The following MCPH1 variants were observed in gnomAD, a reference collection of about 807,000 sequenced individuals.
The protein encoded by MCPH1 is microcephalin.
Under a neutral mutation model 84.5 loss-of-function variants are expected in MCPH1, and 104 were observed. The observed-to-expected ratio is 1.23, with a 90% CI of 1.05 to 1.45. The LOEUF is 1.45. Ranked by LOEUF, MCPH1 falls within the 40% of genes most tolerant of loss-of-function variation. MCPH1 has a pLI of 0.00. For synonymous variants in MCPH1, 514 were observed against 366.8 expected, an observed-to-expected ratio of 1.40 and a Z score of -4.58; for missense variants, 1,498 against 1,005.7, an observed-to-expected ratio of 1.49 and a Z score of -6.62.
chr8:6,582,718 C>T (rs1029645055), intron 12 of MCPH1, among the ~76,000 whole-genome samples: 3 of 152,198 alleles, frequency 2.0e-5, no homozygotes, highest in African/African-American at 7.2e-5. Context: ...CTTCGTCATT[C>T]AAGCCTTTTC....
intron 9 of MCPH1, among the ~76,000 whole-genome samples, chr8:6,456,296 T>A (rs1805670667): frequency 6.6e-6 from 1 of 152,166 alleles, no homozygotes; most frequent in Non-Finnish European, 1.5e-5. Context: ...ACAATGGCGT[T>A]GCGCACTGTG....
At chr8:6,452,117 A>T (rs1004334903) in intron 8 of MCPH1, among the ~76,000 whole-genome samples, 1 of 152,160 alleles carries the variant, frequency 6.6e-6, no homozygotes, top group Non-Finnish European at 1.5e-5. Flanking sequence ...TCCCTTTCCT[A>T]GTATTTAAGT....
chr8:6,465,644 G>T (rs1806795416), intron 9 of MCPH1, among the ~76,000 whole-genome samples: 1 of 152,096 alleles, frequency 6.6e-6, no homozygotes, highest in Non-Finnish European at 1.5e-5. Flanking sequence ...GGAGGAGGAA[G>T]CCAAGAGAGT....
At position 6,568,995 on chromosome 8, in the gene MCPH1, G is replaced by A. The variant is rs2959775; in HGVS notation, c.2215-52459G>A. Among the ~76,000 whole-genome samples the A allele has an allele frequency of 7.4e-3, 1,129 of 152,312 alleles. 18 individuals are homozygous for A. Among genetic ancestry groups the A allele is most frequent in the African/African-American group, 0.025 (1,032 of 41,566 alleles). ...CATTTGCAGACAGAGGGGCACACTCGGGACTCTTGGGCGCCTGGCACACTA... is the reference window on the plus strand; with the variant it reads ...CATTTGCAGACAGAGGGGCACACTCAGGACTCTTGGGCGCCTGGCACACTA... On this transcript the variant is annotated intron_variant, in intron 12 of 13. Coordinates refer to ENST00000344683, the MANE Select transcript of MCPH1 (RefSeq NM_024596.5).
chr8:6,539,008 C>A (rs1821011623), intron 12 of MCPH1, among the ~76,000 whole-genome samples: 1 of 146,938 alleles, frequency 6.8e-6, no homozygotes, highest in Non-Finnish European at 1.5e-5. Context: ...GGCTCTCCTC[C>A]CCCTCCTTTT....
chr8:6,548,655 C>G (rs1823044884), intron 12 of MCPH1, among the ~76,000 whole-genome samples: 1 of 152,092 alleles, frequency 6.6e-6, no homozygotes, highest in African/African-American at 2.4e-5. Flanking sequence ...AAGCTTAATG[C>G]AATTTAGAAA....
intron 12 of MCPH1, among the ~76,000 whole-genome samples, chr8:6,538,777 G>A (rs1563090004): frequency 4.6e-5 from 7 of 152,206 alleles, no homozygotes; most frequent in Admixed American, 4.6e-4. Context: ...TTGGTGAAGA[G>A]TGAACAGAAT....
chr8:6,438,879 C>G, intron 5 of MCPH1, 74 bp from the exon 6 acceptor site: 2 of 1,428,132 alleles, frequency 1.4e-6, no homozygotes, highest in Non-Finnish European at 9.8e-7. Context: ...GGGGGTTGTT[C>G]TTTAAAAGGA....
At chr8:6,494,956 C>T (rs950888519) in intron 11 of MCPH1, among the ~76,000 whole-genome samples, 15 of 152,156 alleles carry the variant, frequency 9.9e-5, no homozygotes, top group African/African-American at 3.4e-4. Flanking sequence ...GGCACCACTA[C>T]AACTACTAAA....
intron 11 of MCPH1, among the ~76,000 whole-genome samples, chr8:6,497,680 G>A (rs566217031): frequency 3.0e-4 from 46 of 152,342 alleles, no homozygotes; most frequent in African/African-American, 1.1e-3. Flanking sequence ...TAGCACTCCA[G>A]TGGGAGACAT....
At chr8:6,566,425 G>T (rs1362393669) in intron 12 of MCPH1, among the ~76,000 whole-genome samples, 1 of 152,110 alleles carries the variant, frequency 6.6e-6, no homozygotes, top group Non-Finnish European at 1.5e-5. Flanking sequence ...TCCACACAGT[G>T]CAATAACCGT....
chr8:6,545,682 A>T (rs1481687972), intron 12 of MCPH1, among the ~76,000 whole-genome samples: 1 of 152,240 alleles, frequency 6.6e-6, no homozygotes, highest in African/African-American at 2.4e-5. Context: ...TGTGGTTCCC[A>T]TTAGTCTAAA....
chr8:6,539,272 G>A (rs941691167), intron 12 of MCPH1, among the ~76,000 whole-genome samples: 1 of 152,186 alleles, frequency 6.6e-6, no homozygotes, highest in African/African-American at 2.4e-5. Flanking sequence ...ATATATTGAT[G>A]CCAGATTTGA....
At chr8:6,549,156 A>G (rs966347429) in intron 12 of MCPH1, among the ~76,000 whole-genome samples, 4 of 152,248 alleles carry the variant, frequency 2.6e-5, no homozygotes, top group Non-Finnish European at 5.9e-5. Flanking sequence ...AAGAAAAATG[A>G]TACATGGGTT....
At chr8:6,419,939 G>A (rs959184630) in intron 3 of MCPH1, among the ~76,000 whole-genome samples, 1 of 152,026 alleles carries the variant, frequency 6.6e-6, no homozygotes, top group African/African-American at 2.4e-5. Context: ...TTTTAAAATG[G>A]ATGTAGTCTA....
chr8:6,540,732 A>G (rs558230535), intron 12 of MCPH1, among the ~76,000 whole-genome samples: 6 of 152,282 alleles, frequency 3.9e-5, no homozygotes, highest in Non-Finnish European at 8.8e-5. Flanking sequence ...GGTTTCCCCA[A>G]AAGCAGAGCC....
At chr8:6,565,265 C>T (rs995159289) in intron 12 of MCPH1, among the ~76,000 whole-genome samples, 2 of 152,198 alleles carry the variant, frequency 1.3e-5, no homozygotes, top group Non-Finnish European at 2.9e-5. Flanking sequence ...TACAGGCATG[C>T]TCCATTAAAT....
At chr8:6,452,366 G>C (rs748047454) in intron 8 of MCPH1, among the ~76,000 whole-genome samples, 24 of 152,174 alleles carry the variant, frequency 1.6e-4, no homozygotes, top group Non-Finnish European at 3.2e-4. Context: ...TTTCCAAATG[G>C]TGAAATTTCA....
At chr8:6,528,218 A>G (rs1050951763) in intron 12 of MCPH1, among the ~76,000 whole-genome samples, 2 of 152,184 alleles carry the variant, frequency 1.3e-5, no homozygotes, top group Non-Finnish European at 2.9e-5. Flanking sequence ...TATCTTGGAA[A>G]GTGGTTAGTA....
Sources: allele counts gnomAD v4.1 joint callset (sites outside exome capture counted in the v4.1 genomes callset), GRCh38; gene constraint gnomAD v4.1.1; transcripts MANE v1.5; gene names NCBI Gene and HGNC (gene_info 2026-07-23, HGNC 2026-07-21).